The following CTDSPL variants were observed in gnomAD, a reference collection of about 807,000 sequenced individuals.
The protein encoded by CTDSPL is CTD small phosphatase-like protein.
A neutral mutation model predicts 30.5 loss-of-function variants in CTDSPL; 8 were observed. The observed-to-expected ratio is 0.26, with a 90% CI of 0.15 to 0.47. The LOEUF (loss-of-function observed/expected upper bound fraction) is 0.47. CTDSPL is among the 20% of genes least tolerant of loss of function. CTDSPL has a pLI of 0.99. For missense variants in CTDSPL, 248 were observed against 366.1 expected (o/e 0.68, Z 2.63); for synonymous variants, 110 against 137.9 (o/e 0.80, Z 1.42).
At chr3:37,899,385 G>T (rs907901955) in intron 1 of CTDSPL, among the ~76,000 whole-genome samples, 7 of 152,188 alleles carry the variant, frequency 4.6e-5, no homozygotes, top group Non-Finnish European at 7.4e-5. Context: ...GGGCCATGCT[G>T]CAGTCTGTAG....
At chr3:37,903,197 A>G (rs1422397120) in intron 1 of CTDSPL, among the ~76,000 whole-genome samples, 1 of 152,194 alleles carries the variant, frequency 6.6e-6, no homozygotes, top group Non-Finnish European at 1.5e-5. Flanking sequence ...GGGAAGGGGC[A>G]GCCGGTCCGA....
chr3:37,893,322 C>CT (rs1401814552), intron 1 of CTDSPL, among the ~76,000 whole-genome samples: 2 of 152,168 alleles, frequency 1.3e-5, no homozygotes, highest in African/African-American at 2.4e-5. Flanking sequence ...CTTTGGTAAT[C>CT]TTTCTTTGAA....
At chr3:37,914,095 G>T (rs1398309416) in intron 1 of CTDSPL, among the ~76,000 whole-genome samples, 3 of 151,890 alleles carry the variant, frequency 2.0e-5, no homozygotes, top group Non-Finnish European at 1.5e-5. Flanking sequence ...TTTATTTATG[G>T]GCTTTAAAAA....
chr3:37,960,104 C>T (rs1045780030), intron 3 of CTDSPL, among the ~76,000 whole-genome samples: 1 of 152,002 alleles, frequency 6.6e-6, no homozygotes, highest in Non-Finnish European at 1.5e-5. Flanking sequence ...TGTAATCCCA[C>T]TGAGGCCGAG....
intron 2 of CTDSPL, among the ~76,000 whole-genome samples, chr3:37,947,947 T>C (rs1332791823): frequency 5.3e-5 from 8 of 152,248 alleles, no homozygotes; most frequent in Non-Finnish European, 1.0e-4. Context: ...TCTACCCACA[T>C]GCTAACACAG....
At chr3:37,960,407 G>A (rs1699222768) in intron 3 of CTDSPL, among the ~76,000 whole-genome samples, 1 of 146,308 alleles carries the variant, frequency 6.8e-6, no homozygotes, top group African/African-American at 2.5e-5. Flanking sequence ...TTGAACCCGG[G>A]AGGTGGAGGT....
At chr3:37,926,116 T>A (rs1220974071) in intron 1 of CTDSPL, among the ~76,000 whole-genome samples, 1 of 152,194 alleles carries the variant, frequency 6.6e-6, no homozygotes, top group Non-Finnish European at 1.5e-5. Context: ...CATGGGGTGA[T>A]CTGTGGTAGC....
chr3:37,875,027 T>A (rs1012513051), intron 1 of CTDSPL, among the ~76,000 whole-genome samples: 1 of 152,244 alleles, frequency 6.6e-6, no homozygotes, highest in Non-Finnish European at 1.5e-5. Flanking sequence ...TCTTAACATA[T>A]ATTTTCCTAT....
intron 1 of CTDSPL, among the ~76,000 whole-genome samples, chr3:37,879,888 G>A (rs1698182423): frequency 6.6e-6 from 1 of 151,710 alleles, no homozygotes; most frequent in African/African-American, 2.4e-5. Flanking sequence ...CAAAGTATAT[G>A]AGCGTTTAAT....
At chr3:37,911,362 A>C (rs1002516047) in intron 1 of CTDSPL, among the ~76,000 whole-genome samples, 2 of 152,186 alleles carry the variant, frequency 1.3e-5, no homozygotes, top group African/African-American at 4.8e-5. Context: ...TTGCCTTTGG[A>C]ACTTCAGAAC....
chr3:37,902,887 G>A (rs562694745), intron 1 of CTDSPL, among the ~76,000 whole-genome samples: 2 of 152,278 alleles, frequency 1.3e-5, no homozygotes, highest in Non-Finnish European at 2.9e-5. Flanking sequence ...TCTCCAATAC[G>A]TTACTCAGAG....
chr3:37,905,699 G>A (rs984597917), intron 1 of CTDSPL, among the ~76,000 whole-genome samples: 2 of 152,198 alleles, frequency 1.3e-5, no homozygotes, highest in African/African-American at 4.8e-5. Context: ...TTTATTCTGA[G>A]TTGTGGTTTC....
At chr3:37,948,154 G>C (rs1203284578) in intron 2 of CTDSPL, among the ~76,000 whole-genome samples, 1 of 152,080 alleles carries the variant, frequency 6.6e-6, no homozygotes, top group East Asian at 1.9e-4. Flanking sequence ...CATGGTGGTG[G>C]GCACCTGTAA....
chr3:37,887,806 G>A (rs901597502), intron 1 of CTDSPL, among the ~76,000 whole-genome samples: 4 of 152,190 alleles, frequency 2.6e-5, no homozygotes, highest in African/African-American at 9.7e-5. Context: ...GCATGCATGA[G>A]CATAGATCCG....
At chr3:37,897,366 A>C (rs1469145788) in intron 1 of CTDSPL, among the ~76,000 whole-genome samples, 1 of 152,194 alleles carries the variant, frequency 6.6e-6, no homozygotes, top group Non-Finnish European at 1.5e-5. Context: ...GTAAGTCTGG[A>C]TAATCCCAAT....
intron 2 of CTDSPL, chr3:37,954,340 G>A (rs982071480): frequency 6.6e-6 from 1 of 152,212 alleles, no homozygotes; most frequent in African/African-American, 2.4e-5. Flanking sequence ...TCCAAAGTGG[G>A]GTGATACGTC....
At chr3:37,863,397 G>A (rs982727363) in intron 1 of CTDSPL, among the ~76,000 whole-genome samples, 2 of 152,162 alleles carry the variant, frequency 1.3e-5, no homozygotes, top group African/African-American at 2.4e-5. Context: ...GAGACTTGGC[G>A]TGTCCCCCTC....
chr3:37,869,569 C>G (rs1359424844), intron 1 of CTDSPL, among the ~76,000 whole-genome samples: 2 of 152,090 alleles, frequency 1.3e-5, no homozygotes, highest in Non-Finnish European at 2.9e-5. Context: ...AGAACACTTA[C>G]ATGTCTTCAT....
At position 37,983,570 on chromosome 3, in the gene CTDSPL, CT is replaced by C. The variant is rs1699518153; in HGVS notation, c.*2704del. On this transcript the variant is annotated 3_prime_UTR_variant, in exon 8 of 8. Coordinates refer to ENST00000273179, the MANE Select transcript of CTDSPL (RefSeq NM_001008392.2). ...AACCCTGACCTCCTGAGTTTCCATG[CT>C]CCTTTCTGTACCAGGTTTAAATGTA... is the stretch of plus-strand genomic sequence containing the variant. The C allele has an allele frequency of 6.6e-6, 1 of 152,572 alleles. No individual in the cohort carries two copies. The highest frequency in any genetic ancestry group is 6.5e-5 in the Admixed American group (1 of 15,282). 9.5% of individuals were successfully genotyped at this position (152,572 alleles called of 1,614,324 possible).
Sources: allele counts gnomAD v4.1 joint callset (sites outside exome capture counted in the v4.1 genomes callset), GRCh38; gene constraint gnomAD v4.1.1; transcripts MANE v1.5; gene names NCBI Gene and HGNC (gene_info 2026-07-23, HGNC 2026-07-21).